The following KRT73 variants were observed in gnomAD, a reference collection of about 807,000 sequenced individuals.
The protein encoded by KRT73 is keratin 73.
Under a neutral mutation model 47.2 loss-of-function variants are expected in KRT73, and 44 were observed. The observed-to-expected ratio is 0.93, with a 90% CI of 0.73 to 1.20. The LOEUF (loss-of-function observed/expected upper bound fraction) is 1.20. KRT73 is among the 50% of genes most tolerant of loss of function. KRT73 has a pLI of 0.00. For synonymous variants in KRT73, 285 were observed against 291.3 expected, an observed-to-expected ratio of 0.98 and a Z score of 0.22; for missense variants, 713 against 704.5, an observed-to-expected ratio of 1.01 and a Z score of -0.14.
At chr12:52,610,878 G>A in intron 6 of KRT73, 43 bp from the exon 7 acceptor site, 1 of 1,516,762 alleles carries the variant, frequency 6.6e-7, no homozygotes, top group Non-Finnish European at 9.0e-7. Flanking sequence ...TCCTCCCTGG[G>A]CCTCGCTTCA....
chr12:52,628,995 C>A, the KRT73 span, among the ~76,000 whole-genome samples: 1 of 152,174 alleles, frequency 6.6e-6, no homozygotes, highest in Non-Finnish European at 1.5e-5. Context: ...TCTCATTAAA[C>A]TTGACTCCTC....
chr12:52,619,958 C>G (rs989366394), upstream of KRT73, among the ~76,000 whole-genome samples: 1 of 152,094 alleles, frequency 6.6e-6, no homozygotes, highest in Non-Finnish European at 1.5e-5. Context: ...AAGCAATTGC[C>G]AAATTCAACC....
At position 52,618,436 on chromosome 12, in the gene KRT73, G is replaced by T; in HGVS notation, c.89C>A (p.Ser30Tyr). The change falls in exon 1 of 9, where the codon TCC becomes TAC. Residue 30 changes from serine (S) to tyrosine (Y), a missense_variant. Transcript: ENST00000305748. ...CCCTTTGCCCCCTGCTCGGTAGGAG[G>T]ATGAGCTGCCCCCTGAGAGCACAGC... ...CSAVLSGGSS[S>Y]SYRAGGKGLS... 6.2e-7 allele frequency: 1 copy of T among 1,614,090 alleles called. No individual in the cohort carries two copies. The highest frequency in any genetic ancestry group is 8.5e-7 in the Non-Finnish European group (1 of 1,180,020).
chr12:52,614,494 T>C, intron 4 of KRT73, 85 bp downstream of exon 4: 1 of 1,231,126 alleles, frequency 8.1e-7, no homozygotes. Context: ...CTGGACTGCT[T>C]AAGTTACAGA....
chr12:52,615,318 CTTGT>C lies in KRT73; in HGVS notation c.680_683del (p.Asn227SerfsTer107). The C allele has an allele frequency of 6.2e-7, 1 of 1,614,030 alleles. No individual in the cohort carries two copies. Among genetic ancestry groups the C allele is most frequent in the South Asian group, 1.1e-5 (1 of 91,048 alleles). On this transcript the variant is annotated frameshift_variant, in exon 3 of 9. Coordinates refer to ENST00000305748, the MANE Select transcript of KRT73 (RefSeq NM_175068.3). LOFTEE classifies it high-confidence loss of function. ...CAAATTCATTCTCAGCAGTTGTGCG[CTTGT>C]TTATTTCTTCTTCATACCTGCAGGG...
At position 52,615,339 on chromosome 12, in the gene KRT73, C is replaced by T; in HGVS notation, c.663G>A (p.Arg221=). ...VREVVEDYKK[R]YEEEINKRTT... Reference sequence around the variant, plus strand: ...TGCGCTTGTTTATTTCTTCTTCATACCTGCAGGGAAAGCATCACAGGAAGC... The same window carrying T: ...TGCGCTTGTTTATTTCTTCTTCATATCTGCAGGGAAAGCATCACAGGAAGC... The change falls in exon 3 of 9, where the codon AGG becomes AGA. Residue 221 remains arginine (R), a splice_region_variant and synonymous_variant. Transcript: ENST00000305748. The T allele has an allele frequency of 3.1e-6, 5 of 1,613,706 alleles. No homozygotes were observed. Among genetic ancestry groups the T allele is most frequent in the East Asian group, 4.5e-5 (2 of 44,886 alleles).
At chr12:52,617,177 A>G (rs978648718) in intron 1 of KRT73, among the ~76,000 whole-genome samples, 4 of 151,402 alleles carry the variant, frequency 2.6e-5, no homozygotes, top group African/African-American at 7.3e-5. Flanking sequence ...CCTTTTCCCC[A>G]CCTCCATCTG....
chr12:52,612,216 A>G (rs1355328833), intron 5 of KRT73: 3 of 152,204 alleles, frequency 2.0e-5, no homozygotes, highest in Admixed American at 1.3e-4. Flanking sequence ...AGGGATTAGC[A>G]TGGAGGAACA....
chr12:52,621,428 A>G (rs962881835), upstream of KRT73, among the ~76,000 whole-genome samples: 1 of 152,178 alleles, frequency 6.6e-6, no homozygotes, highest in Non-Finnish European at 1.5e-5. Flanking sequence ...GATGAAGTAG[A>G]CATACTTTTC....
intron 2 of KRT73, 146 bp downstream of exon 2, chr12:52,616,020 T>C (rs955501333): frequency 1.2e-5 from 11 of 922,396 alleles, no homozygotes; most frequent in Admixed American, 2.4e-5. Flanking sequence ...GTCCACTGTC[T>C]AGTCTGCCTC....
intron 5 of KRT73, 110 bp from the exon 6 acceptor site, chr12:52,611,439 T>G (rs1592242559): frequency 7.8e-7 from 1 of 1,282,390 alleles, no homozygotes; most frequent in South Asian, 1.4e-5. Flanking sequence ...TGGGTCCAGG[T>G]CCCCCGCCTC....
In KRT73 at chr12:52,618,448, CCT is replaced by C; in HGVS notation, c.75_76del (p.Gly27GlnfsTer97). The C allele has an allele frequency of 2.5e-6, 4 of 1,614,042 alleles. 1 individual carries two copies. Among genetic ancestry groups the C allele is most frequent in the Non-Finnish European group, 2.5e-6 (3 of 1,180,008 alleles). ...TGCTCGGTAGGAGGATGAGCTGCCCCCTGAGAGCACAGCGGAGCAGCCGCTGA... is the reference window on the plus strand; with the variant it reads ...TGCTCGGTAGGAGGATGAGCTGCCCCGAGAGCACAGCGGAGCAGCCGCTGA... On this transcript the variant is annotated frameshift_variant, in exon 1 of 9. Coordinates refer to ENST00000305748, the MANE Select transcript of KRT73 (RefSeq NM_175068.3). LOFTEE classifies it high-confidence loss of function.
At position 52,614,539 on chromosome 12, in the gene KRT73, C is replaced by T. The variant is rs113826089; in HGVS notation, c.819+40G>A. On this transcript the variant is annotated intron_variant, in intron 4 of 8. Coordinates refer to ENST00000305748, the MANE Select transcript of KRT73 (RefSeq NM_175068.3). The stretch of plus-strand genomic sequence containing the variant: ...AACTGTTCATCACATATCTGTCCTT[C>T]CAGAAGACAGAGCCAGAGGTGGGGC... The T allele has an allele frequency of 8.5e-5, 130 of 1,538,096 alleles. No individual in the cohort carries two copies. The African/African-American group carries it at 1.3e-3, about 16-fold the overall frequency.
chr12:52,618,181 G>A lies in KRT73; in HGVS notation c.344C>T (p.Ala115Val). The change falls in exon 1 of 9, where the codon GCA becomes GTA. Residue 115 changes from alanine to valine, a missense_variant. Ala to Val is a moderately conservative substitution (Grantham distance 64, BLOSUM62 0). Coordinates refer to ENST00000305748, the MANE Select transcript of KRT73 (RefSeq NM_175068.3). ...AGGGTCCAGCTCCACGTTCAGGGGT[G>A]CCAGGAGGCTCTTGTTGATGGTGAC... Reference protein sequence around the residue: ...HQVTINKSLLAPLNVELDPEI... With the variant: ...HQVTINKSLLVPLNVELDPEI... 6.2e-7 allele frequency: 1 copy of A among 1,614,044 alleles called. No homozygotes were observed. The highest frequency in any genetic ancestry group is 2.2e-5 in the East Asian group (1 of 44,870).
At chr12:52,628,899 C>T in the KRT73 span, among the ~76,000 whole-genome samples, 1 of 152,178 alleles carries the variant, frequency 6.6e-6, no homozygotes, top group Non-Finnish European at 1.5e-5. Flanking sequence ...CAGACAGATA[C>T]CAGGAGAGAG....
chr12:52,622,802 T>G (rs1414245694), upstream of KRT73, among the ~76,000 whole-genome samples: 1 of 152,092 alleles, frequency 6.6e-6, no homozygotes, highest in African/African-American at 2.4e-5. Context: ...AATGGAAGTT[T>G]TAGAACTAAG....
chr12:52,626,427 C>A, the KRT73 span, among the ~76,000 whole-genome samples: 1 of 152,184 alleles, frequency 6.6e-6, no homozygotes. Flanking sequence ...TGGGTCAGGT[C>A]TTGAGCTTGG....
In KRT73 at chr12:52,617,877, G is replaced by A. The variant is rs140850576; in HGVS notation, c.447+201C>T. ...CACCCCAAGGACAATGAAGGCGGGG[G>A]AAGGAAGGGGCTCTACGGCATGAGC... is the stretch of plus-strand genomic sequence containing the variant. On this transcript the variant is annotated intron_variant, in intron 1 of 8. Transcript: ENST00000305748. Among the ~76,000 whole-genome samples, 1,169 of 152,336 alleles carry A rather than the reference G, an allele frequency of 7.7e-3. 7 individuals carry two copies. The highest frequency in any genetic ancestry group is 0.011 in the Non-Finnish European group (750 of 68,022).
rs532343596 is a variant in KRT73, at chr12:52,613,818, G to A, written c.854C>T (p.Thr285Met). ...TAQIQSHISD[T>M]SIILSMDNNR... is the part of the protein sequence containing the mutation. ...GTTGTCCATGGACAGGATGATGGAC[G>A]TGTCGCTGATGTGGGACTGGATCTG... Residue 285 changes from threonine to methionine, a missense_variant, in exon 5 of 9, where the codon ACG becomes ATG. By Grantham distance (81) the Thr-to-Met change is moderately conservative. Transcript: ENST00000305748. 18 of 1,614,138 alleles carry A rather than the reference G, an allele frequency of 1.1e-5. No individual in the cohort carries two copies. Among genetic ancestry groups the A allele is most frequent in the African/African-American group, 6.7e-5 (5 of 75,068 alleles).
Sources: gnomAD v4.1 joint callset for allele counts (sites outside exome capture counted in the v4.1 genomes callset) on GRCh38, gnomAD v4.1.1 for gene constraint, MANE v1.5 for transcripts, NCBI Gene and HGNC (gene_info 2026-07-23, HGNC 2026-07-21) for gene names.